PSG3: variants seen among roughly 807,000 people sequenced by gnomAD.
The protein encoded by PSG3 is pregnancy-specific beta-1-glycoprotein 3.
PSG3 carries 61 observed loss-of-function variants against 47.5 expected under a neutral mutation model. That is an observed-to-expected ratio of 1.28 (90% CI 1.05 to 1.59). PSG3 has a LOEUF of 1.59. Among genes scored for constraint, PSG3 ranks in the 40% most tolerant of loss-of-function variants. The pLI is 0.00. For missense variants in PSG3, 756 were observed against 524.0 expected (o/e 1.44, Z -4.32); for synonymous variants, 263 against 198.4 (o/e 1.33, Z -2.74).
chr19:42,739,325 G>A (rs1969627211), intron 1 of PSG3: 5 of 709,398 alleles, frequency 7.0e-6, no homozygotes, highest in Admixed American at 3.3e-5. Flanking sequence ...TCTGACCTTG[G>A]CATTTTTCTG....
intron 1 of PSG3, among the ~76,000 whole-genome samples, chr19:42,739,920 C>G (rs370359829): frequency 6.6e-6 from 1 of 152,116 alleles, no homozygotes; most frequent in East Asian, 1.9e-4. Flanking sequence ...CAGGCTCCAA[C>G]AGAGACTTCT....
chr19:42,734,488 T>G lies in PSG3; in HGVS notation c.431-1426A>C, dbSNP rs548740369. On this transcript the variant is annotated intron_variant, in intron 2 of 6. Transcript: ENST00000327495. ...AAATTTGTCAGGAGTTTAGACCTTA[T>G]GTTCTGACTCTAGTAACAACAACAG... 5.9e-5 allele frequency among the ~76,000 whole-genome samples: 9 copies of G among 152,340 alleles called. No homozygotes were observed. In the East Asian group the frequency reaches 1.5e-3, roughly 26 times the overall value.
At chr19:42,730,673 T>G (rs1211090860) in intron 3 of PSG3, among the ~76,000 whole-genome samples, 4 of 152,184 alleles carry the variant, frequency 2.6e-5, no homozygotes, top group Non-Finnish European at 5.9e-5. Flanking sequence ...TGTTTCATGA[T>G]GACTTACTTG....
At position 42,721,678 on chromosome 19, in the gene PSG3, T is replaced by A. The variant is rs1327137763; in HGVS notation, c.*453A>T. The A allele has an allele frequency of 3.1e-6, 1 of 318,128 alleles. No homozygotes were observed. Among genetic ancestry groups the A allele is most frequent in the Admixed American group, 4.9e-5 (1 of 20,336 alleles). 19.7% of individuals were successfully genotyped at this position (318,128 alleles called of 1,614,324 possible). ...AGATAACTTTATTACCATAAACATATGAATACTCCTGAATAGTTTCCCAAT... is the reference window on the plus strand; with the variant it reads ...AGATAACTTTATTACCATAAACATAAGAATACTCCTGAATAGTTTCCCAAT... On this transcript the variant is annotated 3_prime_UTR_variant, in exon 7 of 7. Coordinates refer to ENST00000327495, the MANE Select transcript of PSG3 (RefSeq NM_021016.4).
At chr19:42,726,439 G>T (rs1484392874) in intron 5 of PSG3, among the ~76,000 whole-genome samples, 3 of 152,074 alleles carry the variant, frequency 2.0e-5, no homozygotes, top group Non-Finnish European at 4.4e-5. Context: ...ATTCAGTAAT[G>T]TTGCACAATA....
intron 2 of PSG3, among the ~76,000 whole-genome samples, chr19:42,737,537 G>GT (rs1568755013): frequency 6.6e-6 from 1 of 152,088 alleles, no homozygotes; most frequent in East Asian, 1.9e-4. Flanking sequence ...GCCTGGACAT[G>GT]TTTTTTCCAC....
intron 1 of PSG3, 21 bp downstream of exon 1, chr19:42,740,300 C>G (rs753274388): frequency 1.2e-6 from 2 of 1,613,878 alleles, no homozygotes; most frequent in Non-Finnish European, 1.7e-6. Context: ...CCTGTCCTCT[C>G]CCAGGAAGTT....
chr19:42,728,487 TTTTG>T, intron 5 of PSG3, among the ~76,000 whole-genome samples: 1 of 152,244 alleles, frequency 6.6e-6, no homozygotes, highest in South Asian at 2.1e-4. Context: ...CTCCCTCTCT[TTTTG>T]TTTCCCTGCA....
At chr19:42,734,975 A>C (rs767187424) in intron 2 of PSG3, among the ~76,000 whole-genome samples, 11 of 152,188 alleles carry the variant, frequency 7.2e-5, no homozygotes, top group Non-Finnish European at 1.3e-4. Flanking sequence ...GTGAGATGCC[A>C]ATGGTTTGTG....
rs376324148 is a variant in PSG3 at position 42,729,403 on chromosome 19, G to T, written c.989-26C>A. Reference sequence around the variant, plus strand: ...CTGGAGCAAAGAGAATAAAGCCACAGGTGATGTCATCCGAGGGAAGGGGAT... The same window carrying T: ...CTGGAGCAAAGAGAATAAAGCCACATGTGATGTCATCCGAGGGAAGGGGAT... On this transcript the variant is annotated intron_variant, in intron 4 of 6. Coordinates refer to ENST00000327495, the MANE Select transcript of PSG3 (RefSeq NM_021016.4). The T allele has an allele frequency of 1.4e-5, 23 of 1,597,116 alleles. No individual in the cohort carries two copies. In the East Asian group the frequency reaches 4.7e-4, roughly 33 times the overall value.
rs1450596635 is a variant in PSG3 at position 42,735,912 on chromosome 19, T to A, written c.430+2812A>T. 3.3e-5 allele frequency among the ~76,000 whole-genome samples: 5 copies of A among 152,286 alleles called. No individual in the cohort carries two copies. In the East Asian group the frequency reaches 7.7e-4, roughly 24 times the overall value. On this transcript the variant is annotated intron_variant, in intron 2 of 6. Coordinates refer to ENST00000327495, the MANE Select transcript of PSG3 (RefSeq NM_021016.4). ...CTCTGACACTCTGGTGAGTCAGTGC[T>A]AAGATTACAACAGTGACAGCAAACT...
chr19:42,728,240 ATGG>A (rs1969406836), intron 5 of PSG3, among the ~76,000 whole-genome samples: 1 of 152,204 alleles, frequency 6.6e-6, no homozygotes, highest in Non-Finnish European at 1.5e-5. Context: ...GAAATAGTTA[ATGG>A]TAAGTCTTAT....
chr19:42,733,197 T>C (rs1969505790), intron 2 of PSG3, 135 bp from the exon 3 acceptor site: 6 of 1,487,248 alleles, frequency 4.0e-6, no homozygotes, highest in Non-Finnish European at 5.4e-6. Context: ...GTGTGTGTGT[T>C]ACAAGACAGA....
intron 5 of PSG3, among the ~76,000 whole-genome samples, chr19:42,728,702 C>T (rs113708279): frequency 0.014 from 2,150 of 152,330 alleles, 56 homozygotes; most frequent in African/African-American, 0.05. Context: ...CTCCTCTCAT[C>T]TGGGGGAAAA....
intron 1 of PSG3, among the ~76,000 whole-genome samples, chr19:42,740,107 A>C (rs562914370): frequency 1.3e-5 from 2 of 151,880 alleles, no homozygotes; most frequent in African/African-American, 2.4e-5. Flanking sequence ...AGCACACCAC[A>C]ATATCTGGTT....
At chr19:42,734,442 A>T (rs539918574) in intron 2 of PSG3, among the ~76,000 whole-genome samples, 2 of 152,160 alleles carry the variant, frequency 1.3e-5, no homozygotes, top group Non-Finnish European at 2.9e-5. Context: ...CTCAATTTGT[A>T]ATACTGTAAT....
chr19:42,739,880 CT>C (rs764798640), intron 1 of PSG3, among the ~76,000 whole-genome samples: 1 of 152,178 alleles, frequency 6.6e-6, no homozygotes, highest in Admixed American at 6.5e-5. Flanking sequence ...GTTTTGACCC[CT>C]GTCCCTCTTG....
intron 3 of PSG3, among the ~76,000 whole-genome samples, chr19:42,730,586 G>A (rs1351510046): frequency 6.6e-6 from 1 of 152,198 alleles, no homozygotes; most frequent in Non-Finnish European, 1.5e-5. Context: ...AATAACACAG[G>A]GGAGACCAGA....
At position 42,739,086 on chromosome 19, in the gene PSG3, A is replaced by G. The variant is rs11559136; in HGVS notation, c.68T>C (p.Leu23Ser). 877,973 of 1,567,432 alleles carry G rather than the reference A, an allele frequency of 0.56. 255,044 individuals are homozygous for G. The highest frequency in any genetic ancestry group is 0.85 in the African/African-American group (62,214 of 73,414). Reference protein sequence around the residue: ...ITWKGLLLTALLLNFWNLPTT... With the variant: ...ITWKGLLLTASLLNFWNLPTT... ...AGGCAAGTTCCAGAAGTTTAAAAGT[A>G]ATGCTAGGAGGTGGAGAGAGCATCA... is the stretch of plus-strand genomic sequence containing the variant. Residue 23 changes from leucine (L) to serine (S), a missense_variant, in exon 2 of 7, where the codon TTA (leucine) becomes TCA (serine). Leu to Ser is a moderately radical substitution (Grantham distance 145, BLOSUM62 -2). Coordinates refer to ENST00000327495, the MANE Select transcript of PSG3 (RefSeq NM_021016.4).
Sources: allele counts gnomAD v4.1 joint callset (sites outside exome capture counted in the v4.1 genomes callset), GRCh38; gene constraint gnomAD v4.1.1; transcripts MANE v1.5; gene names NCBI Gene and HGNC (gene_info 2026-07-23, HGNC 2026-07-21).